Variants in SYNRG observed in about 807,000 individuals in gnomAD.
SYNRG encodes synergin gamma.
SYNRG carries 37 observed loss-of-function variants against 130.9 expected under a neutral mutation model. The ratio of observed to expected loss-of-function variants is 0.28; its 90% confidence interval spans 0.22 to 0.37. The LOEUF is 0.37. Ranked by LOEUF, SYNRG falls within the 10% of genes least tolerant of loss-of-function variation. SYNRG has a pLI of 1.00. For synonymous variants in SYNRG, 539 were observed against 568.1 expected (o/e 0.95, Z 0.73); for missense variants, 1,338 against 1,588.9 (o/e 0.84, Z 2.68).
intron 19 of SYNRG, among the ~76,000 whole-genome samples, chr17:37,534,492 C>T (rs1183272052): frequency 6.6e-6 from 1 of 152,080 alleles, no homozygotes; most frequent in Non-Finnish European, 1.5e-5. Context: ...CCCCAAAGTG[C>T]TGGCATGACA....
chr17:37,575,667 C>G (rs759112552), intron 8 of SYNRG, among the ~76,000 whole-genome samples: 3 of 151,236 alleles, frequency 2.0e-5, no homozygotes, highest in Non-Finnish European at 4.4e-5. Context: ...ATGACGAGAC[C>G]CCGTCTCTAC....
At chr17:37,566,795 A>G (rs1340297528) in intron 11 of SYNRG, 1 of 152,300 alleles carries the variant, frequency 6.6e-6, no homozygotes, top group African/African-American at 2.4e-5. Flanking sequence ...TTTTGCTCAG[A>G]GAAATAAACC....
intron 1 of SYNRG, among the ~76,000 whole-genome samples, chr17:37,604,949 T>C (rs2063620433): frequency 6.6e-6 from 1 of 152,226 alleles, no homozygotes; most frequent in Non-Finnish European, 1.5e-5. Flanking sequence ...TTATACGAGC[T>C]GGGTTTGTGG....
chr17:37,584,665 G>A lies in SYNRG; in HGVS notation c.572C>T (p.Ser191Leu), dbSNP rs767308453. The A allele has an allele frequency of 8.7e-6, 14 of 1,612,996 alleles. No homozygotes were observed. Among genetic ancestry groups the A allele is most frequent in the East Asian group, 2.2e-5 (1 of 44,876 alleles). ...RDAKMHPTPASHPKKPGPSLE... is the reference protein window; with the variant it reads ...RDAKMHPTPALHPKKPGPSLE... ...AAAACTACCTGGTTTCTTGGGGTGC[G>A]ATGCTGGAGTAGGGTGCATTTTTGC... Residue 191 changes from serine (S) to leucine (L), a missense_variant, in exon 6 of 22, where the codon TCG becomes TTG. Around this residue, in one of 3 missense-constraint regions of SYNRG, gnomAD observed 1,146 missense variants for 1,342.3 expected, o/e 0.85. Transcript: ENST00000612223.
At chr17:37,530,103 T>C (rs2056463252) in intron 19 of SYNRG, among the ~76,000 whole-genome samples, 1 of 152,142 alleles carries the variant, frequency 6.6e-6, no homozygotes, top group Non-Finnish European at 1.5e-5. Flanking sequence ...TTAACCTTGA[T>C]GCCAAAATCG....
At chr17:37,555,798 C>T (rs2059075963) in intron 13 of SYNRG, among the ~76,000 whole-genome samples, 1 of 152,024 alleles carries the variant, frequency 6.6e-6, no homozygotes, top group South Asian at 2.1e-4. Context: ...CCCAGCTACT[C>T]GGGAGGCTGA....
At chr17:37,587,266 C>T (rs1428396747) in intron 3 of SYNRG, among the ~76,000 whole-genome samples, 2 of 152,170 alleles carry the variant, frequency 1.3e-5, no homozygotes, top group Non-Finnish European at 2.9e-5. Flanking sequence ...CCCGCCTCAG[C>T]CCCAGAGTAG....
At chr17:37,532,671 CA>C (rs56982337) in intron 19 of SYNRG, among the ~76,000 whole-genome samples, 7,423 of 78,856 alleles carry the variant, frequency 0.094, 90 homozygotes, top group Middle Eastern at 0.16. Context: ...AGATCTGTCT[CA>C]AAAAAAAAAA....
At chr17:37,523,584 C>T (rs911740856) in intron 19 of SYNRG, among the ~76,000 whole-genome samples, 4 of 152,358 alleles carry the variant, frequency 2.6e-5, no homozygotes, top group Admixed American at 2.6e-4. Context: ...AGAATGGAAT[C>T]TCAGGTGGGA....
intron 14 of SYNRG, among the ~76,000 whole-genome samples, chr17:37,545,486 TAATAAA>T (rs2145058084): frequency 6.6e-6 from 1 of 152,252 alleles, no homozygotes; most frequent in East Asian, 1.9e-4. Flanking sequence ...ATTACTATGG[TAATAAA>T]AAGATCTTTC....
At chr17:37,590,436 A>G (rs1056624343) in intron 3 of SYNRG, among the ~76,000 whole-genome samples, 1 of 152,214 alleles carries the variant, frequency 6.6e-6, no homozygotes, top group South Asian at 2.1e-4. Flanking sequence ...ACAGCAAAAC[A>G]TTAGAAGCAA....
At chr17:37,586,341 A>C in intron 4 of SYNRG, 78 bp downstream of exon 4, 18 of 1,575,566 alleles carry the variant, frequency 1.1e-5, no homozygotes, top group Non-Finnish European at 1.6e-5. Flanking sequence ...TCAAATCTGC[A>C]CTAGAGATCA....
rs1199273989 is a variant in SYNRG, at chr17:37,516,211, A to T, written c.*2729T>A. 6.6e-6 allele frequency: 1 copy of T among 152,210 alleles called. No homozygotes were observed. Among genetic ancestry groups the T allele is most frequent in the Non-Finnish European group, 1.5e-5 (1 of 68,040 alleles). The allele number at this position is 152,210 out of a possible 1,614,324, so 9.4% of individuals were successfully genotyped here. On this transcript the variant is annotated 3_prime_UTR_variant, in exon 22 of 22. Transcript: ENST00000612223. The stretch of plus-strand genomic sequence containing the variant: ...GTAACCTTGGCTACAGTTTCCAAGG[A>T]CACGGGGCTCCTGGCTGACAAGAAG...
Position 37,518,799 on chromosome 17 carries a change from ACGGGGGCCCCGTCCCTTG to A in SYNRG, c.*123_*140del, listed in dbSNP as rs1177584855. On this transcript the variant is annotated 3_prime_UTR_variant, in exon 22 of 22. Coordinates refer to ENST00000612223, the MANE Select transcript of SYNRG (RefSeq NM_007247.6). The stretch of plus-strand genomic sequence containing the variant: ...GTCCTGCAGACTGGCCGTGGGGATG[ACGGGGGCCCCGTCCCTTG>A]CGGTGTTCTTCATATCGATTCAGGG... 8.4e-7 allele frequency: 1 copy of A among 1,191,482 alleles called. No homozygotes were observed. Among genetic ancestry groups the A allele is most frequent in the Non-Finnish European group, 1.2e-6 (1 of 866,768 alleles). The allele number at this position is 1,191,482 out of a possible 1,614,324, so 73.8% of individuals were successfully genotyped here.
rs2064177758 is a variant in SYNRG, at chr17:37,609,283, C to T, written c.73G>A (p.Gly25Ser). Residue 25 changes from glycine (G) to serine (S), a missense_variant, in exon 1 of 22, where the codon GGC becomes AGC. This residue lies in a region of SYNRG where 184 missense variants were observed against 217.2 expected (regional missense o/e 0.85). Transcript: ENST00000612223. ...CGCCCGGCTCTTCACACCTACCCGC[C>T]TCCCCCGGCGGACCCCGCGCCAGCT... Reference protein sequence around the residue: ...AGAGAGSAGGGGFMFPVAGGI... With the variant: ...AGAGAGSAGGSGFMFPVAGGI... 6.9e-7 allele frequency: 1 copy of T among 1,448,536 alleles called. No individual in the cohort carries two copies. The highest frequency in any genetic ancestry group is 1.5e-5 in the African/African-American group (1 of 67,546). The allele number at this position is 1,448,536 out of a possible 1,614,324, so 89.7% of individuals were successfully genotyped here.
At position 37,586,376 on chromosome 17, in the gene SYNRG, T is replaced by C. The variant is rs766100661; in HGVS notation, c.371+43A>G. On this transcript the variant is annotated intron_variant, in intron 4 of 21. Transcript: ENST00000612223. ...ATTAGACAATTCTTAAGATAGATGCTATAATGTATCTTTGTTATCCTTTAA... is the reference window on the plus strand; with the variant it reads ...ATTAGACAATTCTTAAGATAGATGCCATAATGTATCTTTGTTATCCTTTAA... 4.3e-6 allele frequency: 7 copies of C among 1,610,594 alleles called. No individual in the cohort carries two copies. In the African/African-American group the frequency reaches 8.0e-5, roughly 18 times the overall value.
In SYNRG at chr17:37,542,235, T is replaced by A; in HGVS notation, c.2939A>T (p.Tyr980Phe). ...GAAATCTTTATAGTCTCTGTTTTCA[T>A]ATTCCTTTTGCTCACTGGTCTGAGG... ...TIPQTSEQKE[Y>F]ENRDYKDFTK... The change falls in exon 15 of 22, where the codon TAT becomes TTT. Residue 980 changes from tyrosine to phenylalanine, a missense_variant. By Grantham distance (22) the Tyr-to-Phe change is conservative (BLOSUM62 3). This residue lies in a region of SYNRG where 1,146 missense variants were observed against 1,342.3 expected (regional missense o/e 0.85). Coordinates refer to ENST00000612223, the MANE Select transcript of SYNRG (RefSeq NM_007247.6). 2 of 1,614,244 alleles carry A rather than the reference T, an allele frequency of 1.2e-6. No individual in the cohort carries two copies. Among genetic ancestry groups the A allele is most frequent in the Non-Finnish European group, 1.7e-6 (2 of 1,180,050 alleles).
chr17:37,593,553 G>T (rs977760930), intron 3 of SYNRG, among the ~76,000 whole-genome samples: 1 of 152,068 alleles, frequency 6.6e-6, no homozygotes, highest in East Asian at 1.9e-4. Flanking sequence ...GTTTCGGGGT[G>T]GGGGGAAATA....
chr17:37,595,755 C>A (rs1276139755), intron 3 of SYNRG, among the ~76,000 whole-genome samples: 1 of 149,528 alleles, frequency 6.7e-6, no homozygotes, highest in Non-Finnish European at 1.5e-5. Flanking sequence ...TTTCCTCTGG[C>A]CTTTTTTTTT....
Sources: allele counts gnomAD v4.1 joint callset (sites outside exome capture counted in the v4.1 genomes callset), GRCh38; gene constraint gnomAD v4.1.1; regional missense constraint gnomAD v4.1.1; transcripts MANE v1.5; gene names NCBI Gene and HGNC (gene_info 2026-07-23, HGNC 2026-07-21).